Variants in NETO1 observed in about 807,000 individuals in gnomAD.
NETO1 encodes neuropilin and tolloid-like protein 1.
In NETO1, 26 loss-of-function variants were observed where a neutral mutation model predicts 61.3. The ratio of observed to expected loss-of-function variants is 0.42; its 90% CI spans 0.31 to 0.59. NETO1 has a LOEUF of 0.59. Among genes scored for constraint, NETO1 ranks in the 20% least tolerant of loss-of-function variants. The pLI is 0.12. For synonymous variants in NETO1, 225 were observed against 225.8 expected, an observed-to-expected ratio of 1.00 and a Z score of 0.03; for missense variants, 531 against 662.8, an observed-to-expected ratio of 0.80 and a Z score of 2.18.
At chr18:72,825,230 T>C (rs1338117188) in intron 4 of NETO1, among the ~76,000 whole-genome samples, 1 of 152,190 alleles carries the variant, frequency 6.6e-6, no homozygotes, top group Non-Finnish European at 1.5e-5. Flanking sequence ...CCTGGGGCTT[T>C]CCACATCACC....
Position 72,743,976 on chromosome 18 carries a change from A to C in NETO1, c.*4203T>G, listed in dbSNP as rs1020090733. The C allele has an allele frequency of 2.0e-5, 3 of 152,176 alleles. No homozygotes were observed. Among genetic ancestry groups the C allele is most frequent in the Admixed American group, 6.5e-5 (1 of 15,276 alleles). 9.4% of individuals were successfully genotyped at this position (152,176 alleles called of 1,614,324 possible). ...GGCTGCACAGTACTTACAGATATAA[A>C]GGAGTAGTTTAACTACATGATCATA... On this transcript the variant is annotated 3_prime_UTR_variant, in exon 11 of 11. Transcript: ENST00000327305.
At chr18:72,755,761 C>T (rs1362142380) in intron 8 of NETO1, among the ~76,000 whole-genome samples, 1 of 152,014 alleles carries the variant, frequency 6.6e-6, no homozygotes, top group Non-Finnish European at 1.5e-5. Context: ...TGAAAGCTCC[C>T]GTTTTCATAG....
intron 1 of NETO1, 80 bp from the exon 2 acceptor site, chr18:72,865,321 A>G (rs1451626417): frequency 7.8e-7 from 1 of 1,288,796 alleles, no homozygotes; most frequent in African/African-American, 1.5e-5. Flanking sequence ...ATTTCAAGAT[A>G]AAATAATATC....
At position 72,772,759 on chromosome 18, in the gene NETO1, C is replaced by CTATATATATATA. The variant is rs35617731; in HGVS notation, c.868+10907_868+10918dup. 4.7e-3 allele frequency among the ~76,000 whole-genome samples: 478 copies of CTATATATATATA among 102,328 alleles called. 9 individuals are homozygous for CTATATATATATA. The highest frequency in any genetic ancestry group is 6.4e-3 in the Non-Finnish European group (331 of 51,452). The allele number at this position is 102,328 out of a possible 152,430, so 67.1% of individuals were successfully genotyped here. On this transcript the variant is annotated intron_variant, in intron 7 of 10. Transcript: ENST00000327305. ...CACACACACATCTCTCTATATATATCTATATATATATATATATACAGATCT... is the reference window on the plus strand; with the variant it reads ...CACACACACATCTCTCTATATATATCTATATATATATATATATATATATATATATACAGATCT...
intron 8 of NETO1, among the ~76,000 whole-genome samples, chr18:72,755,544 T>A (rs1026217593): frequency 1.3e-5 from 2 of 152,146 alleles, no homozygotes; most frequent in Non-Finnish European, 2.9e-5. Context: ...TTGGGAGCTA[T>A]GTTCCCGGGA....
At chr18:72,828,304 G>A (rs934337662) in intron 4 of NETO1, among the ~76,000 whole-genome samples, 1 of 151,610 alleles carries the variant, frequency 6.6e-6, no homozygotes, top group Non-Finnish European at 1.5e-5. Flanking sequence ...GAAGAAGACT[G>A]CATCTCAAGA....
intron 4 of NETO1, among the ~76,000 whole-genome samples, chr18:72,839,978 A>G (rs532901017): frequency 7.5e-4 from 115 of 152,350 alleles, no homozygotes; most frequent in Middle Eastern, 3.4e-3. Context: ...TAGGAGCTAA[A>G]GAACGCTGCG....
Position 72,863,333 on chromosome 18 carries a change from A to C in NETO1, c.220+1475T>G, listed in dbSNP as rs1362816711. 6.6e-5 allele frequency among the ~76,000 whole-genome samples: 10 copies of C among 152,330 alleles called. No homozygotes were observed. In the East Asian group the frequency reaches 7.7e-4, roughly 12 times the overall value. ...TGCCTTCCCTGGACATTCTTCAGAA[A>C]TGAAGGTGAGCATCTCTTCTTCCCT... On this transcript the variant is annotated intron_variant, in intron 3 of 10. Coordinates refer to ENST00000327305, the MANE Select transcript of NETO1 (RefSeq NM_138966.5).
In NETO1 at chr18:72,794,388, G is replaced by T; in HGVS notation, c.486C>A (p.Asp162Glu). The T allele has an allele frequency of 6.2e-7, 1 of 1,611,694 alleles. No homozygotes were observed. Among genetic ancestry groups the T allele is most frequent in the Non-Finnish European group, 8.5e-7 (1 of 1,179,530 alleles). The stretch of plus-strand genomic sequence containing the variant: ...CTGGTAATGGTTTCAAAGCTCCAAG[G>T]TCCTTAAAGTCAGGATCTTAAAAAT... The part of the protein sequence containing the change: ...YNFTPDPDFK[D>E]LGALKPLPAC... Residue 162 changes from aspartate to glutamate, a missense_variant, in exon 5 of 11, where the codon GAC becomes GAA. Coordinates refer to ENST00000327305, the MANE Select transcript of NETO1 (RefSeq NM_138966.5).
intron 4 of NETO1, among the ~76,000 whole-genome samples, chr18:72,817,028 T>C (rs1019589977): frequency 5.3e-5 from 8 of 152,152 alleles, no homozygotes; most frequent in African/African-American, 1.9e-4. Context: ...TACGTCTATA[T>C]TCAAAGATGC....
At chr18:72,808,252 G>A (rs2145183340) in intron 4 of NETO1, among the ~76,000 whole-genome samples, 1 of 152,300 alleles carries the variant, frequency 6.6e-6, no homozygotes, top group Middle Eastern at 3.4e-3. Flanking sequence ...GAGCTTTTAT[G>A]CCCAGAAAAG....
rs762782547 is a variant in NETO1 at position 72,750,088 on chromosome 18, C to A, written c.1515G>T (p.Leu505=). The change falls in exon 9 of 11, where the codon CTG becomes CTT. Residue 505 remains leucine (L), a synonymous_variant. Transcript: ENST00000327305. The part of the protein sequence containing the change: ...IEEVPTTSHR[L]SRHDKAVQRF... ...GCTGGACGGCTTTATCGTGTCTGGACAGCCTGTGACTGGTGGTCGGCACCT... is the reference window on the plus strand; with the variant it reads ...GCTGGACGGCTTTATCGTGTCTGGAAAGCCTGTGACTGGTGGTCGGCACCT... 1.0e-5 allele frequency: 16 copies of A among 1,601,202 alleles called. No homozygotes were observed. In the East Asian group the frequency reaches 2.7e-4, roughly 27 times the overall value.
chr18:72,806,567 C>T (rs921579410), intron 4 of NETO1, among the ~76,000 whole-genome samples: 1 of 152,188 alleles, frequency 6.6e-6, no homozygotes, highest in African/African-American at 2.4e-5. Flanking sequence ...CACCCCTATT[C>T]ATAGTAGTGA....
intron 8 of NETO1, among the ~76,000 whole-genome samples, chr18:72,753,114 T>A (rs2070677272): frequency 6.6e-6 from 1 of 151,848 alleles, no homozygotes; most frequent in South Asian, 2.1e-4. Flanking sequence ...AACAAAAAAC[T>A]AGAGGAGCTA....
chr18:72,774,070 T>G (rs576781309), intron 7 of NETO1, among the ~76,000 whole-genome samples: 1 of 152,262 alleles, frequency 6.6e-6, no homozygotes, highest in Admixed American at 6.5e-5. Flanking sequence ...ACGACCATAA[T>G]GTGGACAATT....
intron 4 of NETO1, among the ~76,000 whole-genome samples, chr18:72,811,407 T>G (rs893020400): frequency 1.3e-5 from 2 of 152,232 alleles, no homozygotes; most frequent in African/African-American, 4.8e-5. Flanking sequence ...AGCTATGGCT[T>G]TCTTCTGGAT....
intron 8 of NETO1, among the ~76,000 whole-genome samples, chr18:72,753,780 A>G (rs1218377007): frequency 6.6e-6 from 1 of 152,202 alleles, no homozygotes; most frequent in Non-Finnish European, 1.5e-5. Flanking sequence ...TAAATGCAAT[A>G]TATTTGGTGA....
rs549349760 is a variant in NETO1, at chr18:72,856,121, A to G, written c.469+2705T>C. Among the ~76,000 whole-genome samples the G allele has an allele frequency of 1.2e-4, 18 of 152,240 alleles. No homozygotes were observed. The South Asian group carries it at 2.3e-3, about 19-fold the overall frequency. On this transcript the variant is annotated intron_variant, in intron 4 of 10. Transcript: ENST00000327305. The stretch of plus-strand genomic sequence containing the variant: ...TGATTCATTTCTAAGAGATGGGTAC[A>G]CTCTCAATGTGTTTACATAAAGTTT...
At chr18:72,829,815 T>G (rs964216263) in intron 4 of NETO1, among the ~76,000 whole-genome samples, 5 of 152,216 alleles carry the variant, frequency 3.3e-5, no homozygotes, top group Non-Finnish European at 5.9e-5. Flanking sequence ...AGAGCTGCTC[T>G]TGCTTTCCTG....
Sources: gnomAD v4.1 joint callset for allele counts (sites outside exome capture counted in the v4.1 genomes callset) on GRCh38, gnomAD v4.1.1 for gene constraint, MANE v1.5 for transcripts, NCBI Gene and HGNC (gene_info 2026-07-23, HGNC 2026-07-21) for gene names.